Variants in MTA3 observed in about 807,000 individuals in gnomAD.
MTA3 encodes metastasis-associated protein MTA3.
Under a neutral mutation model 83.5 loss-of-function variants are expected in MTA3, and 34 were observed. That is an observed-to-expected ratio of 0.41 (90% CI 0.31 to 0.54). MTA3 has a LOEUF of 0.54. Ranked by LOEUF, MTA3 falls within the 20% of genes least tolerant of loss-of-function variation. The pLI is 0.33. For synonymous variants in MTA3, 303 were observed against 252.7 expected (o/e 1.20, Z -1.89); for missense variants, 761 against 726.4 (o/e 1.05, Z -0.55).
At chr2:42,577,388 T>C (rs1679178931) in intron 2 of MTA3, among the ~76,000 whole-genome samples, 1 of 151,904 alleles carries the variant, frequency 6.6e-6, no homozygotes. Context: ...CCTAAGCAGG[T>C]TTAAATAAGA....
At chr2:42,659,020 C>T (rs1215138669) in intron 7 of MTA3, among the ~76,000 whole-genome samples, 1 of 151,570 alleles carries the variant, frequency 6.6e-6, no homozygotes, top group African/African-American at 2.4e-5. Context: ...ATTGTTTGAG[C>T]CCAGGAAGTT....
intron 2 of MTA3, among the ~76,000 whole-genome samples, chr2:42,495,412 CTAAA>C (rs532319889): frequency 1.5e-4 from 23 of 152,054 alleles, no homozygotes; most frequent in Admixed American, 2.6e-4. Flanking sequence ...TTAGTATCTA[CTAAA>C]TAGTTTGCTA....
chr2:42,708,990 A>G lies in MTA3; in HGVS notation c.1419A>G (p.Thr473=), dbSNP rs749431746. 10 of 1,614,018 alleles carry G rather than the reference A, an allele frequency of 6.2e-6. No individual in the cohort carries two copies. Among genetic ancestry groups the G allele is most frequent in the South Asian group, 2.2e-5 (2 of 91,082 alleles). ...GCCAAGCTTTCTTCCTTCATACTAC[A>G]TATTTCACAAAATTTGCTCGTCAGG... ...KTRQAFFLHT[T]YFTKFARQVC... Residue 473 remains threonine, a synonymous_variant, in exon 14 of 17, where the codon ACA becomes ACG. Coordinates refer to ENST00000405094, the MANE Select transcript of MTA3 (RefSeq NM_001330442.2).
intron 2 of MTA3, among the ~76,000 whole-genome samples, chr2:42,520,752 G>C (rs1313480083): frequency 6.6e-6 from 1 of 151,922 alleles, no homozygotes; most frequent in Non-Finnish European, 1.5e-5. Flanking sequence ...TTTTTGTAGA[G>C]ACAGGGTCTC....
Position 42,704,202 on chromosome 2 carries a change from C to T in MTA3, c.1034C>T (p.Pro345Leu), listed in dbSNP as rs904303874. The change falls in exon 12 of 17, where the codon CCA (proline) becomes CTA (leucine). Residue 345 changes from proline (P) to leucine (L), a missense_variant. Physicochemically the swap from Pro to Leu is moderately conservative, Grantham distance 98 (BLOSUM62 -3). Transcript: ENST00000405094. ...TTTAATTTCATTGAAAGCAGCAAAC[C>T]AAATCCCAACCAAATATCCACTAGT... ...KQVYIPTYSKPNPNQISTSNG... is the reference protein window; with the variant it reads ...KQVYIPTYSKLNPNQISTSNG... The T allele has an allele frequency of 6.2e-7, 1 of 1,613,678 alleles. No homozygotes were observed. Among genetic ancestry groups the T allele is most frequent in the Non-Finnish European group, 8.5e-7 (1 of 1,179,728 alleles).
intron 2 of MTA3, among the ~76,000 whole-genome samples, chr2:42,525,435 G>T (rs191017167): frequency 6.9e-6 from 1 of 145,710 alleles, no homozygotes; most frequent in East Asian, 2.0e-4. Context: ...CCTGAGCTCA[G>T]GCAATCTGCC....
At chr2:42,619,302 G>T (rs953814924) in intron 4 of MTA3, among the ~76,000 whole-genome samples, 3 of 152,126 alleles carry the variant, frequency 2.0e-5, no homozygotes, top group African/African-American at 7.2e-5. Flanking sequence ...TTTTGGAATA[G>T]ACAAAGATTT....
At chr2:42,617,542 TG>T (rs1356601363) in intron 4 of MTA3, among the ~76,000 whole-genome samples, 1 of 152,138 alleles carries the variant, frequency 6.6e-6, no homozygotes, top group African/African-American at 2.4e-5. Flanking sequence ...CCGGGCATGG[TG>T]GCTCAAACGT....
intron 2 of MTA3, among the ~76,000 whole-genome samples, chr2:42,506,615 C>CTTA (rs869027492): frequency 1.5e-5 from 2 of 129,120 alleles, no homozygotes; most frequent in Non-Finnish European, 3.2e-5. Context: ...AGATAATTTA[C>CTTA]TTATTATTAT....
intron 14 of MTA3, among the ~76,000 whole-genome samples, chr2:42,715,346 T>A (rs1054270964): frequency 2.6e-5 from 4 of 151,710 alleles, no homozygotes; most frequent in African/African-American, 9.7e-5. Flanking sequence ...ACTAAGGCAG[T>A]CCTAGAATCT....
At chr2:42,540,587 G>C (rs1030377163) in intron 2 of MTA3, among the ~76,000 whole-genome samples, 2 of 151,868 alleles carry the variant, frequency 1.3e-5, no homozygotes, top group African/African-American at 4.8e-5. Context: ...CTAATCCCAG[G>C]CCTTTGGAAG....
chr2:42,722,943 C>T lies in MTA3; in HGVS notation c.1667C>T (p.Thr556Ile). ...NVIRSTPSLQ[T>I]PTTKRMLTTP... ...ATTCGATCTACACCAAGCCTGCAAA[C>T]CCCAACTACCAAGCGGATGCTAACA... The change falls in exon 16 of 17, where the codon ACC (threonine) becomes ATC (isoleucine). Residue 556 changes from threonine (T) to isoleucine (I), a missense_variant. Thr to Ile is a moderately conservative substitution (Grantham distance 89). Coordinates refer to ENST00000405094, the MANE Select transcript of MTA3 (RefSeq NM_001330442.2). The T allele has an allele frequency of 6.4e-7, 1 of 1,551,202 alleles. No homozygotes were observed. Among genetic ancestry groups the T allele is most frequent in the Non-Finnish European group, 8.7e-7 (1 of 1,147,134 alleles).
chr2:42,742,531 A>G (rs1045724957), intron 16 of MTA3, among the ~76,000 whole-genome samples: 1 of 152,130 alleles, frequency 6.6e-6, no homozygotes, highest in Non-Finnish European at 1.5e-5. Context: ...TAGGAACTAT[A>G]TTTTTCTGGA....
chr2:42,548,833 TATATATATATATA>T (rs1209750861), intron 2 of MTA3, among the ~76,000 whole-genome samples: 1,008 of 11,444 alleles, frequency 0.088, 100 homozygotes, highest in East Asian at 0.24. Flanking sequence ...ATATATAATA[TATATATATATATA>T]ATATATATAT....
At chr2:42,671,800 G>A (rs1234306543) in intron 8 of MTA3, among the ~76,000 whole-genome samples, 2 of 152,152 alleles carry the variant, frequency 1.3e-5, no homozygotes, top group Non-Finnish European at 2.9e-5. Flanking sequence ...TGAGATTTCT[G>A]TTAGGGCCTG....
At chr2:42,549,308 AT>A (rs1676966901) in intron 2 of MTA3, among the ~76,000 whole-genome samples, 1 of 111,108 alleles carries the variant, frequency 9.0e-6, no homozygotes, top group Non-Finnish European at 1.7e-5. Flanking sequence ...GTACACGTAT[AT>A]AATATATAAT....
chr2:42,613,512 TTG>T (rs1244957302), intron 4 of MTA3, among the ~76,000 whole-genome samples: 1 of 152,202 alleles, frequency 6.6e-6, no homozygotes, highest in African/African-American at 2.4e-5. Context: ...TCTTGACATT[TTG>T]CTAATGTTGA....
chr2:42,736,966 C>T (rs774504782), intron 16 of MTA3, among the ~76,000 whole-genome samples: 1 of 152,166 alleles, frequency 6.6e-6, no homozygotes, highest in Non-Finnish European at 1.5e-5. Context: ...GTGTCTGGTG[C>T]CCCATCCTAC....
At chr2:42,565,343 G>A (rs1215480482), upstream of MTA3, among the ~76,000 whole-genome samples, 1 of 151,010 alleles carries the variant, frequency 6.6e-6, no homozygotes, top group African/African-American at 2.4e-5. Context: ...CGCACCAACT[G>A]GCTAACTTTT....
Sources: gnomAD v4.1 joint callset for allele counts (sites outside exome capture counted in the v4.1 genomes callset) on GRCh38, gnomAD v4.1.1 for gene constraint, MANE v1.5 for transcripts, NCBI Gene and HGNC (gene_info 2026-07-23, HGNC 2026-07-21) for gene names.